KDM4C: variants seen among roughly 807,000 people sequenced by gnomAD.
The protein encoded by KDM4C is lysine-specific demethylase 4C.
A neutral mutation model predicts 129.3 loss-of-function variants in KDM4C; 81 were observed. The ratio of observed to expected loss-of-function variants is 0.63; its 90% confidence interval spans 0.52 to 0.75. KDM4C has a LOEUF of 0.75. KDM4C is among the 30% of genes least tolerant of loss of function. The pLI, the probability that KDM4C is intolerant of heterozygous loss-of-function variation, is 0.00. For missense variants in KDM4C, 1,457 were observed against 1,304.0 expected (o/e 1.12, Z -1.81); for synonymous variants, 573 against 456.1 (o/e 1.26, Z -3.26).
intron 5 of KDM4C, among the ~76,000 whole-genome samples, chr9:6,873,743 T>C (rs934666941): frequency 3.3e-5 from 5 of 152,216 alleles, no homozygotes; most frequent in East Asian, 1.9e-4. Context: ...GTGTTCATTG[T>C]TGTAGCACTT....
intron 15 of KDM4C, among the ~76,000 whole-genome samples, chr9:7,028,226 C>G (rs1403295873): frequency 6.6e-6 from 1 of 152,038 alleles, no homozygotes; most frequent in Non-Finnish European, 1.5e-5. Flanking sequence ...GTCTCGGAGT[C>G]TCACCCAAGG....
chr9:7,076,763 G>C, intron 17 of KDM4C: 1 of 1,107,944 alleles, frequency 9.0e-7, no homozygotes. Flanking sequence ...TGTACTTTCT[G>C]TATCCTAGAG....
chr9:7,064,246 G>A (rs1228556193), intron 17 of KDM4C, among the ~76,000 whole-genome samples: 1 of 152,104 alleles, frequency 6.6e-6, no homozygotes, highest in Admixed American at 6.5e-5. Flanking sequence ...TATGAAAAAG[G>A]ATGTAAAATA....
intron 7 of KDM4C, among the ~76,000 whole-genome samples, chr9:6,892,097 A>G (rs560852751): frequency 6.6e-6 from 1 of 152,332 alleles, no homozygotes; most frequent in East Asian, 1.9e-4. Context: ...TACTTTGGCA[A>G]TATGTGTCAA....
At chr9:6,813,625 C>G (rs1457434193) in intron 3 of KDM4C, among the ~76,000 whole-genome samples, 3 of 152,056 alleles carry the variant, frequency 2.0e-5, no homozygotes, top group Non-Finnish European at 1.5e-5. Context: ...TTGTTTCTTT[C>G]TTTGCTTATT....
chr9:6,823,684 T>C (rs1457484887), intron 4 of KDM4C, among the ~76,000 whole-genome samples: 5 of 152,248 alleles, frequency 3.3e-5, no homozygotes, highest in Admixed American at 2.6e-4. Flanking sequence ...ATTGGTCTCC[T>C]ACCCTGAGAA....
At chr9:6,931,128 C>G (rs562953965) in intron 8 of KDM4C, among the ~76,000 whole-genome samples, 59 of 151,490 alleles carry the variant, frequency 3.9e-4, no homozygotes, top group Non-Finnish European at 6.3e-4. Flanking sequence ...TCTCACCCCC[C>G]CCACACAAAC....
chr9:6,731,786 C>T (rs2996066), intron 1 of KDM4C, among the ~76,000 whole-genome samples: 30,134 of 152,052 alleles, frequency 0.2, 3,255 homozygotes, highest in Non-Finnish European at 0.25. Context: ...AGGGCCTTAG[C>T]GCCATTTTCC....
intron 9 of KDM4C, among the ~76,000 whole-genome samples, chr9:6,981,518 A>G (rs764271166): frequency 7.9e-5 from 12 of 152,170 alleles, no homozygotes; most frequent in Non-Finnish European, 1.6e-4. Context: ...TTTGTCCAAC[A>G]TCTGAGCTAC....
At chr9:6,944,134 C>T (rs181934337) in intron 8 of KDM4C, among the ~76,000 whole-genome samples, 1 of 152,054 alleles carries the variant, frequency 6.6e-6, no homozygotes, top group African/African-American at 2.4e-5. Flanking sequence ...TTAGGAAATC[C>T]TCTTAAATGA....
chr9:6,809,027 G>T (rs1028212252), intron 3 of KDM4C, among the ~76,000 whole-genome samples: 1 of 152,106 alleles, frequency 6.6e-6, no homozygotes. Context: ...GACTTTGAAT[G>T]AATTTAGGTA....
chr9:7,055,827 A>T (rs908262634), intron 17 of KDM4C, among the ~76,000 whole-genome samples: 1 of 152,210 alleles, frequency 6.6e-6, no homozygotes, highest in East Asian at 1.9e-4. Flanking sequence ...TCAGAGTTCT[A>T]TTTAGTTAAT....
At chr9:6,867,204 C>T (rs1261012437) in intron 5 of KDM4C, among the ~76,000 whole-genome samples, 1 of 151,770 alleles carries the variant, frequency 6.6e-6, no homozygotes, top group African/African-American at 2.4e-5. Context: ...TTAGTAGAGA[C>T]GGGGTTTCAC....
intron 8 of KDM4C, chr9:6,941,456 A>C (rs924948963): frequency 1.7e-4 from 26 of 152,212 alleles, no homozygotes; most frequent in African/African-American, 6.0e-4. Flanking sequence ...TCAAGTGTGC[A>C]TTATCCTAAA....
chr9:6,781,006 A>T (rs186294053), intron 1 of KDM4C, among the ~76,000 whole-genome samples: 1 of 150,968 alleles, frequency 6.6e-6, no homozygotes, highest in Non-Finnish European at 1.5e-5. Flanking sequence ...TCCTTCTCTC[A>T]TTTTCTGTTT....
At chr9:6,754,418 A>G (rs1166116506), upstream of KDM4C, among the ~76,000 whole-genome samples, 1 of 151,914 alleles carries the variant, frequency 6.6e-6, no homozygotes, top group East Asian at 1.9e-4. Context: ...TAACCATGTT[A>G]TCTAGGCTGG....
Position 7,096,804 on chromosome 9 carries a change from T to C in KDM4C, c.2425-6881T>C, listed in dbSNP as rs142476322. Among the ~76,000 whole-genome samples, 274 of 152,254 alleles carry C rather than the reference T, an allele frequency of 1.8e-3. 1 individual carries two copies. The highest frequency in any genetic ancestry group is 6.2e-3 in the African/African-American group (256 of 41,552). ...TGGTCTGGTCTGTAGAATTGCTTGA[T>C]TGCCTGAGGTTTAACCCAGAGCCCC... is the stretch of plus-strand genomic sequence containing the variant. On this transcript the variant is annotated intron_variant, in intron 17 of 21. Coordinates refer to ENST00000381309, the MANE Select transcript of KDM4C (RefSeq NM_015061.6).
In KDM4C at chr9:7,153,214, A is replaced by G. The variant is rs184425793; in HGVS notation, c.2782-12024A>G. ...TGGCCGCCCAAAGTGCTGGGATTAC[A>G]CTTTGGGTGAGCCACCATGCCCAGC... On this transcript the variant is annotated intron_variant, in intron 19 of 21. Coordinates refer to ENST00000381309, the MANE Select transcript of KDM4C (RefSeq NM_015061.6). 3.5e-3 allele frequency among the ~76,000 whole-genome samples: 534 copies of G among 152,242 alleles called. 4 individuals carry two copies. Among genetic ancestry groups the G allele is most frequent in the African/African-American group, 0.012 (516 of 41,534 alleles).
chr9:6,977,143 CG>C (rs1833056290), intron 8 of KDM4C, among the ~76,000 whole-genome samples: 1 of 152,090 alleles, frequency 6.6e-6, no homozygotes, highest in Non-Finnish European at 1.5e-5. Context: ...CCATGTGCCT[CG>C]TGTCATTTGG....
Sources: allele counts gnomAD v4.1 joint callset (sites outside exome capture counted in the v4.1 genomes callset), GRCh38; gene constraint gnomAD v4.1.1; transcripts MANE v1.5; gene names NCBI Gene and HGNC (gene_info 2026-07-23, HGNC 2026-07-21).